The following SLC38A6 variants were observed in gnomAD, a reference collection of about 807,000 sequenced individuals.
SLC38A6 encodes solute carrier family 38 member 6, also known as N system amino acid transporter NAT-1.
SLC38A6 carries 73 observed loss-of-function variants against 65.0 expected under a neutral mutation model. The ratio of observed to expected loss-of-function variants is 1.12; its 90% CI spans 0.93 to 1.37. The LOEUF is 1.37. SLC38A6 is among the 40% of genes most tolerant of loss of function. The probability of loss-of-function intolerance (pLI) is 0.00; values close to 1 mark genes in which losing one functional copy is unlikely to be tolerated. For synonymous variants in SLC38A6, 183 were observed against 178.8 expected (o/e 1.02, Z -0.19); for missense variants, 561 against 531.1 (o/e 1.06, Z -0.55).
intron 3 of SLC38A6, among the ~76,000 whole-genome samples, chr14:61,015,233 G>A (rs2039913934): frequency 6.6e-6 from 1 of 152,194 alleles, no homozygotes; most frequent in Non-Finnish European, 1.5e-5. Context: ...CATTGGAAAA[G>A]CGCAGTATTA....
At chr14:61,002,329 A>G (rs928998878) in intron 3 of SLC38A6, 1 of 152,118 alleles carries the variant, frequency 6.6e-6, no homozygotes, top group African/African-American at 2.4e-5. Flanking sequence ...TGCATGGGCA[A>G]ATAATACAAA....
rs1425295858 is a variant in SLC38A6, at chr14:61,015,966, T to A, written c.363+10T>A. 2 of 1,605,078 alleles carry A rather than the reference T, an allele frequency of 1.2e-6. No individual in the cohort carries two copies. Among genetic ancestry groups the A allele is most frequent in the Non-Finnish European group, 1.7e-6 (2 of 1,177,070 alleles). Reference sequence around the variant, plus strand: ...TGGATTACCTGGAAAGGTAATTTTTTTTCCTCCTCATTGTGTCCAAAACCC... The same window carrying A: ...TGGATTACCTGGAAAGGTAATTTTTATTCCTCCTCATTGTGTCCAAAACCC... On this transcript the variant is annotated intron_variant, in intron 4 of 15. Coordinates refer to ENST00000267488, the MANE Select transcript of SLC38A6 (RefSeq NM_153811.3).
chr14:61,072,151 A>AAC (rs2043249477), intron 15 of SLC38A6, among the ~76,000 whole-genome samples: 1 of 152,184 alleles, frequency 6.6e-6, no homozygotes, highest in African/African-American at 2.4e-5. Flanking sequence ...GGAGGGGAGG[A>AAC]ATACTGTTCC....
At chr14:61,002,170 T>A (rs2038755456) in intron 3 of SLC38A6, 2 of 152,222 alleles carry the variant, frequency 1.3e-5, no homozygotes, top group Non-Finnish European at 2.9e-5. Context: ...TGAGAAAGAA[T>A]GTTCCTAGTA....
intron 15 of SLC38A6, among the ~76,000 whole-genome samples, chr14:61,064,283 A>G (rs536497985): frequency 1.3e-5 from 2 of 152,146 alleles, no homozygotes; most frequent in East Asian, 3.9e-4. Flanking sequence ...TGTTTATGAC[A>G]TTATGGATCC....
At chr14:61,081,311 T>C (rs1036369465) in intron 16 of SLC38A6, among the ~76,000 whole-genome samples, 8 of 152,250 alleles carry the variant, frequency 5.3e-5, no homozygotes, top group African/African-American at 1.9e-4. Context: ...TATTCTACTT[T>C]GACCAGTGCT....
At chr14:61,083,142 C>A (rs2043722285) in intron 16 of SLC38A6, among the ~76,000 whole-genome samples, 1 of 152,202 alleles carries the variant, frequency 6.6e-6, no homozygotes, top group Non-Finnish European at 1.5e-5. Context: ...GCAATGGATT[C>A]CCTTGCCCCT....
intron 15 of SLC38A6, among the ~76,000 whole-genome samples, chr14:61,075,779 GTGT>G (rs1566736700): frequency 1.3e-3 from 3 of 2,230 alleles, no homozygotes; most frequent in African/African-American, 2.6e-3. Flanking sequence ...CAACCTGTTT[GTGT>G]GTGTGTGTGT....
At position 61,030,534 on chromosome 14, in the gene SLC38A6, G is replaced by A. The variant is rs893989529; in HGVS notation, c.482+11G>A. On this transcript the variant is annotated intron_variant, in intron 6 of 15. Transcript: ENST00000267488. Reference sequence around the variant, plus strand: ...TGGAGACTATAGTAGGTAAGAAAAAGTATTTTACATTGTGTCCGTTCATGT... The same window carrying A: ...TGGAGACTATAGTAGGTAAGAAAAAATATTTTACATTGTGTCCGTTCATGT... 1.9e-6 allele frequency: 3 copies of A among 1,568,124 alleles called. No homozygotes were observed. The highest frequency in any genetic ancestry group is 2.7e-5 in the African/African-American group (2 of 73,522).
intron 8 of SLC38A6, among the ~76,000 whole-genome samples, chr14:61,039,622 C>T (rs1202810427): frequency 6.6e-6 from 1 of 150,976 alleles, no homozygotes; most frequent in African/African-American, 2.4e-5. Flanking sequence ...CCACCCACCT[C>T]GGCCTCCCAA....
chr14:60,993,833 G>A (rs2038080698), intron 3 of SLC38A6, among the ~76,000 whole-genome samples: 1 of 152,144 alleles, frequency 6.6e-6, no homozygotes, highest in African/African-American at 2.4e-5. Flanking sequence ...CCTTTAATGT[G>A]AAAGATATAT....
In SLC38A6 at chr14:61,051,648, A is replaced by G. The variant is rs2042513121; in HGVS notation, c.1051-139A>G. On this transcript the variant is annotated intron_variant, in intron 13 of 15. Coordinates refer to ENST00000267488, the MANE Select transcript of SLC38A6 (RefSeq NM_153811.3). Reference sequence around the variant, plus strand: ...AGTTTATGTGTATAAATACTTTATAATAATAGTTTATGCTGTATTTTTGAA... The same window carrying G: ...AGTTTATGTGTATAAATACTTTATAGTAATAGTTTATGCTGTATTTTTGAA... 3 of 818,868 alleles carry G rather than the reference A, an allele frequency of 3.7e-6. No individual in the cohort carries two copies. In the East Asian group the frequency reaches 8.0e-5, roughly 22 times the overall value. 50.7% of individuals were successfully genotyped at this position (818,868 alleles called of 1,614,324 possible). A position where few individuals can be genotyped will look rare whatever the true frequency, so the allele number is the denominator to read the frequency against.
At chr14:61,017,318 C>G (rs769221904) in intron 4 of SLC38A6, among the ~76,000 whole-genome samples, 1 of 152,088 alleles carries the variant, frequency 6.6e-6, no homozygotes, top group Non-Finnish European at 1.5e-5. Flanking sequence ...GGGATTACAG[C>G]GTTAGCCACC....
intron 5 of SLC38A6, among the ~76,000 whole-genome samples, chr14:61,020,834 A>G (rs570134565): frequency 1.6e-4 from 25 of 152,226 alleles, no homozygotes; most frequent in African/African-American, 6.0e-4. Context: ...TATATTTTTA[A>G]TCCCTCTTTA....
At chr14:61,080,253 A>T (rs1178237174) in intron 16 of SLC38A6, among the ~76,000 whole-genome samples, 1 of 151,982 alleles carries the variant, frequency 6.6e-6, no homozygotes, top group Non-Finnish European at 1.5e-5. Context: ...CACTATACAC[A>T]CCTAATTCCA....
At chr14:61,046,630 T>C (rs904020307) in intron 12 of SLC38A6, among the ~76,000 whole-genome samples, 1 of 152,230 alleles carries the variant, frequency 6.6e-6, no homozygotes, top group Non-Finnish European at 1.5e-5. Context: ...CCTTCAGATC[T>C]AATTATCACA....
chr14:61,068,611 CAGAG>C (rs1159675150), intron 15 of SLC38A6, among the ~76,000 whole-genome samples: 1 of 152,226 alleles, frequency 6.6e-6, no homozygotes, highest in East Asian at 1.9e-4. Context: ...GTCACCCCCT[CAGAG>C]AGGTCTGCCC....
chr14:61,046,955 T>C (rs546171656), intron 12 of SLC38A6, among the ~76,000 whole-genome samples: 5 of 152,266 alleles, frequency 3.3e-5, no homozygotes, highest in African/African-American at 1.2e-4. Flanking sequence ...CTTAAATATA[T>C]AAACTTTATT....
intron 15 of SLC38A6, among the ~76,000 whole-genome samples, chr14:61,074,537 T>A (rs2043333480): frequency 6.6e-6 from 1 of 152,154 alleles, no homozygotes; most frequent in Non-Finnish European, 1.5e-5. Flanking sequence ...TATGAGGGTC[T>A]CACCCTCATC....
Sources: gnomAD v4.1 joint callset for allele counts (sites outside exome capture counted in the v4.1 genomes callset) on GRCh38, gnomAD v4.1.1 for gene constraint, MANE v1.5 for transcripts, NCBI Gene and HGNC (gene_info 2026-07-23, HGNC 2026-07-21) for gene names.